CUX1: variants seen among roughly 807,000 people sequenced by gnomAD.
CUX1 encodes protein CASP.
A neutral mutation model predicts 158.8 loss-of-function variants in CUX1; 31 were observed. The ratio of observed to expected loss-of-function variants is 0.20; its 90% CI spans 0.15 to 0.26. The LOEUF is 0.26. Among genes scored for constraint, CUX1 ranks in the 10% least tolerant of loss-of-function variants. The pLI, the probability that CUX1 is intolerant of heterozygous loss-of-function variation, is 1.00. For missense variants in CUX1, 1,589 were observed against 2,014.6 expected (o/e 0.79, Z 4.04); for synonymous variants, 879 against 862.1 (o/e 1.02, Z -0.34).
chr7:102,277,809 G>C (rs570940625), intron 17 of CUX1: 4 of 470,540 alleles, frequency 8.5e-6, no homozygotes, highest in African/African-American at 8.0e-5. Context: ...GGGCCACAGT[G>C]GGGGAAGGGG....
chr7:101,962,223 A>C (rs1034273442), intron 2 of CUX1, among the ~76,000 whole-genome samples: 1 of 152,216 alleles, frequency 6.6e-6, no homozygotes, highest in Non-Finnish European at 1.5e-5. Context: ...TATCGATTTC[A>C]TCTTTTTAAT....
Position 101,969,256 on chromosome 7 carries a change from G to A in CUX1, c.141+53031G>A, listed in dbSNP as rs908441401. 1.5e-4 allele frequency among the ~76,000 whole-genome samples: 23 copies of A among 151,156 alleles called. 1 individual carries two copies. The highest frequency in any genetic ancestry group is 5.6e-4 in the African/African-American group (23 of 41,120). ...AGGCTGAGGTGGGAGGATTGCTTGAGCCTGGGAGTTCCAGGATGCATTGAG... is the reference window on the plus strand; with the variant it reads ...AGGCTGAGGTGGGAGGATTGCTTGAACCTGGGAGTTCCAGGATGCATTGAG... On this transcript the variant is annotated intron_variant, in intron 2 of 23. Transcript: ENST00000292535.
chr7:102,016,383 C>G (rs1211743114), intron 2 of CUX1, among the ~76,000 whole-genome samples: 3 of 152,254 alleles, frequency 2.0e-5, no homozygotes, highest in Non-Finnish European at 4.4e-5. Context: ...GCACAGCAGC[C>G]TGTGGTCTCT....
rs1162831164 is a variant in CUX1 at position 102,249,392 on chromosome 7, T to C, written c.*350T>C. On this transcript the variant is annotated 3_prime_UTR_variant, in exon 24 of 24. Transcript: ENST00000292535. ...AAATCGCCATAGGCCAAGGTGCATA[T>C]AGAAAACAAAGGAGCATTAAGCCCA... 2 of 991,282 alleles carry C rather than the reference T, an allele frequency of 2.0e-6. No homozygotes were observed. The highest frequency in any genetic ancestry group is 1.7e-5 in the African/African-American group (1 of 57,410). 61.4% of individuals were successfully genotyped at this position (991,282 alleles called of 1,614,324 possible). A position where few individuals can be genotyped will look rare whatever the true frequency, so the allele number is the denominator to read the frequency against.
intron 2 of CUX1, chr7:101,960,259 TG>T (rs1406453932): frequency 6.6e-6 from 1 of 152,188 alleles, no homozygotes; most frequent in African/African-American, 2.4e-5. Flanking sequence ...AAAGGAGGAT[TG>T]GCAATTAATC....
intron 2 of CUX1, among the ~76,000 whole-genome samples, chr7:101,933,420 G>A (rs1315196002): frequency 6.6e-6 from 1 of 152,126 alleles, no homozygotes; most frequent in East Asian, 1.9e-4. Context: ...AAAGAATTCA[G>A]AGCTAGCTAT....
intron 1 of CUX1, among the ~76,000 whole-genome samples, chr7:101,825,421 G>T (rs1011113165): frequency 1.3e-5 from 2 of 152,208 alleles, no homozygotes. Context: ...CCAGGAGCCT[G>T]CAGTCACCGA....
At chr7:102,273,215 G>A in intron 14 of CUX1, 1 of 1,079,480 alleles carries the variant, frequency 9.3e-7, no homozygotes, top group Non-Finnish European at 1.3e-6. Context: ...GGGTCTTCTA[G>A]GCAGTGGTGA....
intron 2 of CUX1, among the ~76,000 whole-genome samples, chr7:101,940,730 C>T (rs1260476099): frequency 1.3e-5 from 2 of 152,006 alleles, no homozygotes; most frequent in Non-Finnish European, 2.9e-5. Context: ...TGGTTGGGCA[C>T]GTTATTGATC....
chr7:101,899,800 G>A (rs1479718287), intron 1 of CUX1, among the ~76,000 whole-genome samples: 1 of 152,144 alleles, frequency 6.6e-6, no homozygotes, highest in Non-Finnish European at 1.5e-5. Context: ...TACCTCCAGG[G>A]GCCTGGCACA....
chr7:101,950,529 C>T (rs1181557144), intron 2 of CUX1, among the ~76,000 whole-genome samples: 2 of 151,962 alleles, frequency 1.3e-5, no homozygotes, highest in African/African-American at 4.8e-5. Flanking sequence ...GCCATCACTG[C>T]CATCCATCTC....
chr7:101,848,381 CAT>C (rs1379685338), intron 1 of CUX1, among the ~76,000 whole-genome samples: 5 of 152,270 alleles, frequency 3.3e-5, no homozygotes, highest in South Asian at 2.1e-4. Context: ...GCAAATGAAA[CAT>C]GTGAGTCACA....
intron 18 of CUX1, among the ~76,000 whole-genome samples, chr7:102,278,675 AAAATAAAAT>A (rs2132833536): frequency 7.2e-6 from 1 of 138,430 alleles, no homozygotes; most frequent in African/African-American, 2.6e-5. Context: ...AATAAAATAT[AAAATAAAAT>A]AAATAAAATA....
intron 4 of CUX1, among the ~76,000 whole-genome samples, chr7:102,086,921 C>T (rs114534120): frequency 0.015 from 2,224 of 152,088 alleles, 37 homozygotes; most frequent in African/African-American, 0.049. Context: ...TATTCCATAT[C>T]GTAAAGTATT....
In CUX1 at chr7:102,227,491, G is replaced by C. The variant is rs1347331081; in HGVS notation, c.3255G>C (p.Lys1085Asn). 1.2e-6 allele frequency: 2 copies of C among 1,613,978 alleles called. No individual in the cohort carries two copies. Among genetic ancestry groups the C allele is most frequent in the African/African-American group, 1.3e-5 (1 of 74,916 alleles). ...QQPCPPIEAS[K>N]DSKPPEPSDP... ...CCTGTCCCCCCATCGAGGCGAGCAA[G>C]GACAGCAAGCCACCAGAGCCCAGTG... Residue 1085 changes from lysine (K) to asparagine (N), a missense_variant, in exon 21 of 24, where the codon AAG becomes AAC. Physicochemically the swap from Lys to Asn is moderately conservative, Grantham distance 94. Transcript: ENST00000292535.
At chr7:102,042,126 A>G (rs1031768678) in intron 3 of CUX1, among the ~76,000 whole-genome samples, 2 of 152,106 alleles carry the variant, frequency 1.3e-5, no homozygotes, top group African/African-American at 2.4e-5. Context: ...TAAATACTGC[A>G]TTAAGCATCA....
chr7:102,082,335 T>C lies in CUX1; in HGVS notation c.268+11918T>C, dbSNP rs1238335113. Reference sequence around the variant, plus strand: ...TGAGGTCAGGAGTTCGAGACCAGCCTGGCCAACATGGTGAAACCCCGTCTC... The same window carrying C: ...TGAGGTCAGGAGTTCGAGACCAGCCCGGCCAACATGGTGAAACCCCGTCTC... On this transcript the variant is annotated intron_variant, in intron 4 of 23. Transcript: ENST00000292535. Among the ~76,000 whole-genome samples, 21 of 146,688 alleles carry C rather than the reference T, an allele frequency of 1.4e-4. 1 individual carries two copies. The highest frequency in any genetic ancestry group is 2.2e-4 in the Non-Finnish European group (14 of 64,862).
chr7:102,163,599 G>A (rs1790695932), intron 9 of CUX1, among the ~76,000 whole-genome samples: 1 of 152,198 alleles, frequency 6.6e-6, no homozygotes. Flanking sequence ...CTATACATTG[G>A]AGAACAGATG....
rs1554541520 is a variant in CUX1, at chr7:102,254,958, T to C, written c.*5916T>C. ...CAATAAAGTTTAGAAAGATCCAGTC[T>C]GTGAAACCCTTAGAGATGGGCTGAA... On this transcript the variant is annotated 3_prime_UTR_variant, in exon 24 of 24. Coordinates refer to ENST00000292535, the MANE Select transcript of CUX1 (RefSeq NM_181552.4). 1.0e-6 allele frequency: 1 copy of C among 985,296 alleles called. No homozygotes were observed. The highest frequency in any genetic ancestry group is 1.7e-5 in the African/African-American group (1 of 57,212). 61.0% of individuals were successfully genotyped at this position (985,296 alleles called of 1,614,324 possible).
Sources: allele counts gnomAD v4.1 joint callset (sites outside exome capture counted in the v4.1 genomes callset), GRCh38; gene constraint gnomAD v4.1.1; transcripts MANE v1.5; gene names NCBI Gene and HGNC (gene_info 2026-07-23, HGNC 2026-07-21).